The following PUM1 variants were observed in gnomAD, a reference collection of about 807,000 sequenced individuals.
The protein encoded by PUM1 is pumilio homolog 1.
A neutral mutation model predicts 131.8 loss-of-function variants in PUM1; 13 were observed. That is an observed-to-expected ratio of 0.10 (90% CI 0.06 to 0.16). The LOEUF (loss-of-function observed/expected upper bound fraction) is 0.16. Ranked by LOEUF, PUM1 falls within the 10% of genes least tolerant of loss-of-function variation. The pLI is 1.00. For synonymous variants in PUM1, 509 were observed against 556.5 expected (o/e 0.91, Z 1.20); for missense variants, 961 against 1,512.4 (o/e 0.64, Z 6.05).
Position 30,980,083 on chromosome 1 carries a change from A to G in PUM1, c.1333T>C (p.Leu445=). 2 of 1,610,700 alleles carry G rather than the reference A, an allele frequency of 1.2e-6. No individual in the cohort carries two copies. Among genetic ancestry groups the G allele is most frequent in the Non-Finnish European group, 1.7e-6 (2 of 1,178,652 alleles). The change falls in exon 9 of 22, where the codon TTG becomes CTG. Residue 445 remains leucine (L), a synonymous_variant. Coordinates refer to ENST00000426105, the MANE Select transcript of PUM1 (RefSeq NM_001020658.2). ...PPGTDPYTAG[L]AAAATLGPAV... is the part of the protein sequence containing the mutation. ...TCACCTAGTGTCGCTGCTGCAGCCA[A>G]TCCAGCTGTGTAGGGGTCCGTCCCT...
intron 6 of PUM1, among the ~76,000 whole-genome samples, chr1:30,993,566 C>A (rs552190325): frequency 6.6e-6 from 1 of 152,164 alleles, no homozygotes; most frequent in South Asian, 2.1e-4. Flanking sequence ...ATCCTGTAGT[C>A]CAGTAGCTGG....
intron 8 of PUM1, 96 bp from the exon 9 acceptor site, chr1:30,980,259 A>T (rs1188399502): frequency 1.0e-6 from 1 of 965,602 alleles, no homozygotes; most frequent in African/African-American, 1.6e-5. Context: ...CAGACAGTAG[A>T]TAAGGAAAAA....
chr1:30,993,354 A>AC (rs1162965361), intron 6 of PUM1, among the ~76,000 whole-genome samples: 4 of 151,804 alleles, frequency 2.6e-5, no homozygotes, highest in African/African-American at 7.3e-5. Flanking sequence ...AAAAAAAAAA[A>AC]AAAAAACAGG....
intron 2 of PUM1, among the ~76,000 whole-genome samples, chr1:31,041,538 G>A (rs887150122): frequency 1.3e-5 from 2 of 152,212 alleles, no homozygotes; most frequent in South Asian, 2.1e-4. Context: ...TAGTGTCTGG[G>A]TCATGGGGGC....
At chr1:30,940,424 C>T (rs1315447141) in intron 20 of PUM1, among the ~76,000 whole-genome samples, 2 of 152,094 alleles carry the variant, frequency 1.3e-5, no homozygotes, top group Non-Finnish European at 2.9e-5. Flanking sequence ...TGCAGTGAGC[C>T]GACACTGTGC....
intron 5 of PUM1, among the ~76,000 whole-genome samples, chr1:31,000,793 T>C (rs1642181698): frequency 6.6e-6 from 1 of 152,212 alleles, no homozygotes; most frequent in Non-Finnish European, 1.5e-5. Flanking sequence ...CTGCACACAC[T>C]TACCCATTTT....
intron 10 of PUM1, among the ~76,000 whole-genome samples, chr1:30,970,383 A>G (rs1026751661): frequency 2.0e-5 from 3 of 152,246 alleles, no homozygotes; most frequent in South Asian, 2.1e-4. Context: ...TTTTACTTCT[A>G]TATCAGTAAT....
At position 30,932,350 on chromosome 1, in the gene PUM1, T is replaced by TACACCAAGTATACACTATATATTTAA. The variant is rs1638996840; in HGVS notation, c.*860_*861insTTAAATATATAGTGTATACTTGGTGT. On this transcript the variant is annotated 3_prime_UTR_variant, in exon 22 of 22. Transcript: ENST00000426105. ...TACAAATTTGTATATATGCAAAGTC[T>TACACCAAGTATACACTATATATTTAA]ACACCAAGTATACACTATATATTTA... 1 of 152,382 alleles carries TACACCAAGTATACACTATATATTTAA rather than the reference T, an allele frequency of 6.6e-6. No individual in the cohort carries two copies. The highest frequency in any genetic ancestry group is 2.4e-5 in the African/African-American group (1 of 41,422). The allele number at this position is 152,382 out of a possible 1,614,324, so 9.4% of individuals were successfully genotyped here.
intron 2 of PUM1, among the ~76,000 whole-genome samples, chr1:31,030,510 A>G (rs1643385105): frequency 6.6e-6 from 1 of 152,154 alleles, no homozygotes; most frequent in Non-Finnish European, 1.5e-5. Context: ...GCAATGTAGT[A>G]GAGTACCCTG....
intron 18 of PUM1, 37 bp from the exon 19 acceptor site, chr1:30,942,160 A>G: frequency 7.0e-7 from 1 of 1,422,820 alleles, no homozygotes; most frequent in South Asian, 1.1e-5. Flanking sequence ...AGCAAAAATG[A>G]CAGTCACCAC....
chr1:30,938,870 T>C lies in PUM1; in HGVS notation c.3243-2035A>G, dbSNP rs550845085. 8.2e-3 allele frequency among the ~76,000 whole-genome samples: 1,197 copies of C among 146,620 alleles called. 9 individuals are homozygous for C. Among genetic ancestry groups the C allele is most frequent in the Non-Finnish European group, 0.014 (960 of 66,966 alleles). On this transcript the variant is annotated intron_variant, in intron 20 of 21. Coordinates refer to ENST00000426105, the MANE Select transcript of PUM1 (RefSeq NM_001020658.2). ...ACAGAGCGAGACTCCATCTCATTCATAGATAGAGATAGATAGATAGATAGA... is the reference window on the plus strand; with the variant it reads ...ACAGAGCGAGACTCCATCTCATTCACAGATAGAGATAGATAGATAGATAGA...
At position 30,953,919 on chromosome 1, in the gene PUM1, G is replaced by A; in HGVS notation, c.2386C>T (p.Arg796Cys). The change falls in exon 15 of 22, where the codon CGC becomes TGC. Residue 796 changes from arginine (R) to cysteine (C), a missense_variant. Arg to Cys is a radical substitution (Grantham distance 180). Transcript: ENST00000426105. ...SAAPGAEAKY[R>C]SASSASSLFS... The stretch of plus-strand genomic sequence containing the variant: ...AGGCTGGAGGCGCTGCTTGCACTGC[G>A]GTACTTGGCTTCAGCGCCTGGAGCA... 6.2e-7 allele frequency: 1 copy of A among 1,614,202 alleles called. No homozygotes were observed. The highest frequency in any genetic ancestry group is 8.5e-7 in the Non-Finnish European group (1 of 1,180,034).
intron 14 of PUM1, among the ~76,000 whole-genome samples, chr1:30,957,237 C>G (rs762908056): frequency 6.6e-6 from 1 of 152,110 alleles, no homozygotes; most frequent in Non-Finnish European, 1.5e-5. Context: ...TTGAGCCAAG[C>G]AGTACTTCTT....
At chr1:30,947,764 C>A (rs1024866216) in intron 17 of PUM1, among the ~76,000 whole-genome samples, 8 of 151,904 alleles carry the variant, frequency 5.3e-5, no homozygotes, top group Non-Finnish European at 1.2e-4. Context: ...TTGAGTACCT[C>A]AAAGCAACTA....
chr1:30,941,686 C>T (rs2124389195), intron 19 of PUM1, among the ~76,000 whole-genome samples: 1 of 152,236 alleles, frequency 6.6e-6, no homozygotes. Flanking sequence ...AAGAAATCAA[C>T]AAATCAACTT....
At chr1:31,016,104 G>T (rs1050738229) in intron 3 of PUM1, among the ~76,000 whole-genome samples, 11 of 152,194 alleles carry the variant, frequency 7.2e-5, no homozygotes, top group African/African-American at 2.7e-4. Context: ...TGCAAAATTT[G>T]AAATGCTCTA....
intron 15 of PUM1, among the ~76,000 whole-genome samples, chr1:30,952,725 G>T (rs1458051951): frequency 2.0e-5 from 3 of 148,368 alleles, no homozygotes; most frequent in Admixed American, 6.8e-5. Context: ...AAGAGAGGAG[G>T]GGTGGAGGGA....
intron 17 of PUM1, among the ~76,000 whole-genome samples, chr1:30,946,382 T>C (rs1639670942): frequency 6.6e-6 from 1 of 151,064 alleles, no homozygotes; most frequent in Non-Finnish European, 1.5e-5. Context: ...CTCATGCCTG[T>C]AACCCCAGCA....
chr1:31,005,869 A>G lies in PUM1; in HGVS notation c.704T>C (p.Leu235Pro), dbSNP rs771886591. The G allele has an allele frequency of 6.3e-7, 1 of 1,599,956 alleles. No homozygotes were observed. The highest frequency in any genetic ancestry group is 1.1e-5 in the South Asian group (1 of 88,150). ...VLSSSPGDSC[L>P]RKGGFGPRDA... ...CCAACTTACAAATCCTCCTTTTCTT[A>G]GACAGGAATCGCCCGGGGATGAGCT... The change falls in exon 5 of 22, where the codon CTA (leucine) becomes CCA (proline). Residue 235 changes from leucine (L) to proline (P), a missense_variant. Transcript: ENST00000426105.
Sources: gnomAD v4.1 joint callset for allele counts (sites outside exome capture counted in the v4.1 genomes callset) on GRCh38, gnomAD v4.1.1 for gene constraint, MANE v1.5 for transcripts, NCBI Gene and HGNC (gene_info 2026-07-23, HGNC 2026-07-21) for gene names.